The following APLP2 variants were observed in gnomAD, a reference collection of about 807,000 sequenced individuals.
APLP2 encodes CDEI box-binding protein.
A neutral mutation model predicts 89.9 loss-of-function variants in APLP2; 53 were observed. The ratio of observed to expected loss-of-function variants is 0.59; its 90% confidence interval spans 0.47 to 0.74. The LOEUF (loss-of-function observed/expected upper bound fraction) is 0.74. Among genes scored for constraint, APLP2 ranks in the 30% least tolerant of loss-of-function variants. The pLI, the probability that APLP2 is intolerant of heterozygous loss-of-function variation, is 0.00. For synonymous variants in APLP2, 372 were observed against 348.6 expected (o/e 1.07, Z -0.75); for missense variants, 973 against 975.9 (o/e 1.00, Z 0.04).
chr11:130,110,369 T>C (rs1392328340), intron 2 of APLP2, among the ~76,000 whole-genome samples, 169 bp from the exon 3 acceptor site: 2 of 152,240 alleles, frequency 1.3e-5, no homozygotes, highest in African/African-American at 4.8e-5. Context: ...ACTAATACAG[T>C]ATCTTTTTGT....
intron 3 of APLP2, among the ~76,000 whole-genome samples, chr11:130,114,848 T>G (rs1948989853): frequency 6.6e-6 from 1 of 152,234 alleles, no homozygotes; most frequent in Non-Finnish European, 1.5e-5. Flanking sequence ...ACAAAACTGG[T>G]CTCGGCAGCT....
At chr11:130,135,928 A>T (rs1591846903) in intron 13 of APLP2, among the ~76,000 whole-genome samples, 2 of 152,268 alleles carry the variant, frequency 1.3e-5, no homozygotes, top group South Asian at 4.1e-4. Context: ...TGAAGTTAAG[A>T]CTAATTCTCC....
At position 130,109,361 on chromosome 11, in the gene APLP2, A is replaced by G; in HGVS notation, c.106-68A>G. ...TTAAAAGATGCATTCTGTCACATAG[A>G]CCTGAATGACTGTTGCCTCTGTGCT... On this transcript the variant is annotated intron_variant, in intron 1 of 16. Transcript: ENST00000338167. 3 of 1,403,160 alleles carry G rather than the reference A, an allele frequency of 2.1e-6. No homozygotes were observed. In the East Asian group the frequency reaches 7.0e-5, roughly 33 times the overall value. 86.9% of individuals were successfully genotyped at this position (1,403,160 alleles called of 1,614,324 possible).
chr11:130,132,178 C>T (rs968517458), intron 11 of APLP2, among the ~76,000 whole-genome samples: 5 of 152,118 alleles, frequency 3.3e-5, no homozygotes, highest in African/African-American at 1.2e-4. Context: ...TGTAGCAGGA[C>T]AACACTTGCT....
At chr11:130,127,889 A>C (rs773088839) in intron 9 of APLP2, 49 bp downstream of exon 9, 2 of 1,526,460 alleles carry the variant, frequency 1.3e-6, no homozygotes, top group South Asian at 2.3e-5. Flanking sequence ...CCATTGGAAA[A>C]TACGGTCAGA....
Position 130,143,345 on chromosome 11 carries a change from A to T in APLP2, c.2155-2A>T. 6.2e-7 allele frequency: 1 copy of T among 1,613,612 alleles called. No individual in the cohort carries two copies. The highest frequency in any genetic ancestry group is 8.5e-7 in the Non-Finnish European group (1 of 1,179,714). ...AATGACCCTCAGGTTTTGTTCTTCC[A>T]GGTTGATCCAATGCTCACCCCAGAA... On this transcript the variant is annotated splice_acceptor_variant, in intron 16 of 16. Coordinates refer to ENST00000338167, the MANE Select transcript of APLP2 (RefSeq NM_001142276.2). LOFTEE classifies it high-confidence loss of function.
chr11:130,075,771 A>G (rs141460419), intron 1 of APLP2, among the ~76,000 whole-genome samples: 4 of 152,308 alleles, frequency 2.6e-5, no homozygotes, highest in African/African-American at 7.2e-5. Flanking sequence ...TGCCCATCCT[A>G]TCTAAGCCTA....
intron 7 of APLP2, among the ~76,000 whole-genome samples, chr11:130,124,999 G>A (rs1591830073): frequency 6.6e-6 from 1 of 152,212 alleles, no homozygotes; most frequent in African/African-American, 2.4e-5. Flanking sequence ...TGATGGAGTG[G>A]CAGGTCTGTA....
At chr11:130,080,765 C>T (rs1374593086) in intron 1 of APLP2, among the ~76,000 whole-genome samples, 5 of 147,124 alleles carry the variant, frequency 3.4e-5, no homozygotes, top group African/African-American at 1.0e-4. Flanking sequence ...GGCGTGATCT[C>T]GGCTCACTGC....
chr11:130,075,415 A>G (rs183906867), intron 1 of APLP2, among the ~76,000 whole-genome samples: 3 of 152,310 alleles, frequency 2.0e-5, no homozygotes, highest in East Asian at 1.9e-4. Context: ...AATTCATCCT[A>G]CTAGTATTTA....
chr11:130,122,077 C>A (rs568776118), intron 5 of APLP2, among the ~76,000 whole-genome samples: 5 of 152,056 alleles, frequency 3.3e-5, no homozygotes, highest in Non-Finnish European at 4.4e-5. Flanking sequence ...AACATAATAT[C>A]CCTGAATTTG....
intron 3 of APLP2, among the ~76,000 whole-genome samples, chr11:130,120,068 C>A (rs976787291): frequency 1.6e-4 from 24 of 152,130 alleles, no homozygotes; most frequent in Non-Finnish European, 3.2e-4. Flanking sequence ...TGATTAGATT[C>A]AAATGATAAT....
chr11:130,098,486 G>A (rs1284696773), intron 1 of APLP2, among the ~76,000 whole-genome samples: 1 of 152,078 alleles, frequency 6.6e-6, no homozygotes, highest in Non-Finnish European at 1.5e-5. Flanking sequence ...AAGAGATCTA[G>A]TGAAGTCAAT....
chr11:130,126,903 G>A, intron 8 of APLP2, 73 bp downstream of exon 8: 2 of 1,589,250 alleles, frequency 1.3e-6, no homozygotes, highest in Non-Finnish European at 1.7e-6. Flanking sequence ...CTGAAGAAAA[G>A]TAATAGCTTC....
chr11:130,095,008 C>T (rs775546053), intron 1 of APLP2, among the ~76,000 whole-genome samples: 4 of 152,026 alleles, frequency 2.6e-5, no homozygotes, highest in African/African-American at 4.8e-5. Flanking sequence ...CAATGCAATG[C>T]GTGTGAAACC....
chr11:130,113,029 A>G (rs536112223), intron 3 of APLP2, among the ~76,000 whole-genome samples: 1 of 152,204 alleles, frequency 6.6e-6, no homozygotes, highest in African/African-American at 2.4e-5. Flanking sequence ...CTTATTTTCT[A>G]TCCATTCATC....
chr11:130,135,824 G>A (rs780177047), intron 13 of APLP2, 109 bp downstream of exon 13: 536 of 1,342,794 alleles, frequency 4.0e-4, no homozygotes, highest in Middle Eastern at 6.3e-4. Flanking sequence ...GTGTTCCTGC[G>A]AGAGTCAGGG....
At chr11:130,116,286 C>A (rs1257845061) in intron 3 of APLP2, among the ~76,000 whole-genome samples, 2 of 151,978 alleles carry the variant, frequency 1.3e-5, no homozygotes, top group Non-Finnish European at 2.9e-5. Context: ...TATTAAACCA[C>A]CATGGAAAAA....
At chr11:130,121,084 G>C (rs537788722) in intron 4 of APLP2, among the ~76,000 whole-genome samples, 30 of 152,256 alleles carry the variant, frequency 2.0e-4, no homozygotes, top group Non-Finnish European at 4.0e-4. Flanking sequence ...CTGCTGGTGA[G>C]GCTCCCAGGA....
Sources: gnomAD v4.1 joint callset for allele counts (sites outside exome capture counted in the v4.1 genomes callset) on GRCh38, gnomAD v4.1.1 for gene constraint, MANE v1.5 for transcripts, NCBI Gene and HGNC (gene_info 2026-07-23, HGNC 2026-07-21) for gene names.